EZH2: variants seen among roughly 807,000 people sequenced by gnomAD.
The protein encoded by EZH2 is enhancer of zeste 2 polycomb repressive complex 2 subunit.
A neutral mutation model predicts 98.4 loss-of-function variants in EZH2; 18 were observed. The observed-to-expected ratio is 0.18, with a 90% confidence interval of 0.13 to 0.27. The LOEUF is 0.27. EZH2 is among the 10% of genes least tolerant of loss of function. EZH2 has a pLI of 1.00. For missense variants in EZH2, 470 were observed against 935.1 expected, an observed-to-expected ratio of 0.50 and a Z score of 6.49; for synonymous variants, 338 against 312.3, an observed-to-expected ratio of 1.08 and a Z score of -0.87.
chr7:148,847,642 G>GA (rs1290351143), intron 1 of EZH2, among the ~76,000 whole-genome samples: 1 of 152,014 alleles, frequency 6.6e-6, no homozygotes, highest in Non-Finnish European at 1.5e-5. Flanking sequence ...GTGGAGGGAA[G>GA]AAAATATAAA....
chr7:148,852,022 T>C (rs989650068), intron 1 of EZH2, among the ~76,000 whole-genome samples: 31 of 152,380 alleles, frequency 2.0e-4, no homozygotes, highest in African/African-American at 7.5e-4. Flanking sequence ...GAAATCCCAC[T>C]AGTATGAACT....
At position 148,812,931 on chromosome 7, in the gene EZH2, G is replaced by C. The variant is rs1262251026; in HGVS notation, c.1851+1028C>G. Among the ~76,000 whole-genome samples the C allele has an allele frequency of 3.9e-5, 6 of 152,268 alleles. No homozygotes were observed. In the East Asian group the frequency reaches 9.6e-4, roughly 24 times the overall value. On this transcript the variant is annotated intron_variant, in intron 15 of 19. Coordinates refer to ENST00000320356, the MANE Select transcript of EZH2 (RefSeq NM_004456.5). Reference sequence around the variant, plus strand: ...TTCAAAGACACAAACAAAACCAAGAGAACTTCAATGTTTTGCCTGGAGCAG... The same window carrying C: ...TTCAAAGACACAAACAAAACCAAGACAACTTCAATGTTTTGCCTGGAGCAG...
At chr7:148,821,020 C>T (rs1805907885) in intron 8 of EZH2, 1 of 152,162 alleles carries the variant, frequency 6.6e-6, no homozygotes, top group Non-Finnish European at 1.5e-5. Context: ...AAGACAGTTA[C>T]AGCTCTTTTA....
Position 148,807,513 on chromosome 7 carries a change from A to ATAAAT in EZH2, c.*128_*132dup, listed in dbSNP as rs1250222404. 2.7e-6 allele frequency: 2 copies of ATAAAT among 728,114 alleles called. No homozygotes were observed. Among genetic ancestry groups the ATAAAT allele is most frequent in the Non-Finnish European group, 4.7e-6 (2 of 427,764 alleles). The allele number at this position is 728,114 out of a possible 1,614,324, so 45.1% of individuals were successfully genotyped here. The stretch of plus-strand genomic sequence containing the variant: ...AAAGTTGATTTTTAAACTCATTACT[A>ATAAAT]TAAATTATTCTTACAGTACTTTGCA... On this transcript the variant is annotated 3_prime_UTR_variant, in exon 20 of 20. Coordinates refer to ENST00000320356, the MANE Select transcript of EZH2 (RefSeq NM_004456.5).
intron 3 of EZH2, among the ~76,000 whole-genome samples, chr7:148,840,856 C>G (rs1812250992): frequency 6.6e-6 from 1 of 152,124 alleles, no homozygotes. Flanking sequence ...AAAACAATTT[C>G]TAACATTCCA....
In EZH2 at chr7:148,862,908, T is replaced by TTTTTG. The variant is rs980268644; in HGVS notation, c.-7-15608_-7-15604dup. Among the ~76,000 whole-genome samples the TTTTTG allele has an allele frequency of 1.2e-4, 17 of 145,170 alleles. No homozygotes were observed. The East Asian group carries it at 2.5e-3, about 22-fold the overall frequency. The stretch of plus-strand genomic sequence containing the variant: ...ATGTCCAACATGGTTTTTTTGTTTG[T>TTTTTG]TTTTGTTTTGTTTTGTTTTTTTAAA... On this transcript the variant is annotated intron_variant, in intron 1 of 19. Transcript: ENST00000320356.
At chr7:148,827,717 C>G (rs1228157412) in intron 6 of EZH2, among the ~76,000 whole-genome samples, 1 of 152,226 alleles carries the variant, frequency 6.6e-6, no homozygotes. Flanking sequence ...GCTGCCTTAG[C>G]ATGAGCTTTG....
At chr7:148,864,998 G>A (rs1487602589) in intron 1 of EZH2, among the ~76,000 whole-genome samples, 5 of 151,978 alleles carry the variant, frequency 3.3e-5, no homozygotes, top group African/African-American at 1.2e-4. Flanking sequence ...ATGGTGGCAG[G>A]TGCCTGTGAT....
chr7:148,872,762 T>C (rs1819597174), intron 1 of EZH2, among the ~76,000 whole-genome samples: 1 of 152,232 alleles, frequency 6.6e-6, no homozygotes, highest in Non-Finnish European at 1.5e-5. Context: ...AAAGCATTTC[T>C]CCGGTCTAGT....
intron 4 of EZH2, 55 bp downstream of exon 4, chr7:148,832,577 CTT>C (rs1008118365): frequency 1.1e-6 from 1 of 935,866 alleles, no homozygotes; most frequent in African/African-American, 1.6e-5. Context: ...ATTATCTATG[CTT>C]TTTTACTTCA....
chr7:148,867,129 C>T (rs1818666300), intron 1 of EZH2, among the ~76,000 whole-genome samples: 3 of 151,846 alleles, frequency 2.0e-5, no homozygotes, highest in South Asian at 4.2e-4. Context: ...GAGTTCAACA[C>T]CAGCCTGGCC....
intron 3 of EZH2, chr7:148,836,922 C>T (rs1015647802): frequency 1.9e-6 from 1 of 512,826 alleles, no homozygotes; most frequent in African/African-American, 1.9e-5. Context: ...CACAACCAAA[C>T]TGAGACTCTT....
chr7:148,846,270 C>A (rs1813994417), intron 3 of EZH2, among the ~76,000 whole-genome samples, 200 bp downstream of exon 3: 1 of 151,862 alleles, frequency 6.6e-6, no homozygotes, highest in African/African-American at 2.4e-5. Flanking sequence ...AAAGTATATT[C>A]CAAACACTTA....
intron 1 of EZH2, among the ~76,000 whole-genome samples, chr7:148,860,499 T>G (rs936534708): frequency 1.9e-4 from 29 of 152,224 alleles, no homozygotes; most frequent in African/African-American, 6.5e-4. Context: ...ATTATTCACA[T>G]AGTAATTAGC....
intron 3 of EZH2, among the ~76,000 whole-genome samples, chr7:148,843,483 G>A (rs1228328108): frequency 2.0e-5 from 3 of 150,568 alleles, no homozygotes; most frequent in Admixed American, 6.6e-5. Context: ...ACTCACTTCA[G>A]TAAACTTTTG....
At chr7:148,826,686 GA>G (rs1392631319) in intron 7 of EZH2, 54 bp from the exon 8 acceptor site, 1 of 1,377,868 alleles carries the variant, frequency 7.3e-7, no homozygotes, top group African/African-American at 1.5e-5. Flanking sequence ...TCACTTTTTT[GA>G]AAACAGTTTC....
chr7:148,812,311 A>G (rs915514101), intron 15 of EZH2, among the ~76,000 whole-genome samples: 5 of 152,216 alleles, frequency 3.3e-5, no homozygotes, highest in African/African-American at 1.2e-4. Context: ...TTGTCAGTCC[A>G]GTAGTCTATT....
At chr7:148,859,896 G>C (rs1303191112) in intron 1 of EZH2, among the ~76,000 whole-genome samples, 1 of 152,118 alleles carries the variant, frequency 6.6e-6, no homozygotes, top group Non-Finnish European at 1.5e-5. Flanking sequence ...TGCTGGCCCC[G>C]TTCTGGTTAA....
intron 1 of EZH2, among the ~76,000 whole-genome samples, chr7:148,860,724 T>C (rs1029226596): frequency 2.6e-5 from 4 of 152,220 alleles, no homozygotes; most frequent in African/African-American, 9.7e-5. Context: ...CTGGCTGAAG[T>C]GCACTGGCGC....
Sources: allele counts gnomAD v4.1 joint callset (sites outside exome capture counted in the v4.1 genomes callset), GRCh38; gene constraint gnomAD v4.1.1; transcripts MANE v1.5; gene names NCBI Gene and HGNC (gene_info 2026-07-23, HGNC 2026-07-21).